The following KATNAL1 variants were observed in gnomAD, a reference collection of about 807,000 sequenced individuals.
KATNAL1 encodes the protein katanin p60 ATPase-containing subunit A-like 1.
KATNAL1 carries 32 observed loss-of-function variants against 55.2 expected under a neutral mutation model. That is an observed-to-expected ratio of 0.58 (90% CI 0.44 to 0.78). The LOEUF (loss-of-function observed/expected upper bound fraction) is 0.78. KATNAL1 is among the 30% of genes least tolerant of loss of function. KATNAL1 has a pLI of 0.00. For synonymous variants in KATNAL1, 193 were observed against 193.6 expected, an observed-to-expected ratio of 1.00 and a Z score of 0.02; for missense variants, 466 against 600.9, an observed-to-expected ratio of 0.78 and a Z score of 2.35.
intron 9 of KATNAL1, among the ~76,000 whole-genome samples, chr13:30,221,112 A>C (rs1874813957): frequency 2.0e-5 from 3 of 152,222 alleles, no homozygotes; most frequent in Admixed American, 2.0e-4. Context: ...GGAATCTGTG[A>C]GCTAAAAAAT....
At position 30,227,433 on chromosome 13, in the gene KATNAL1, T is replaced by C. The variant is rs1192373908; in HGVS notation, c.1126A>G (p.Ile376Val). The change falls in exon 9 of 11, where the codon ATA (isoleucine) becomes GTA (valine). Residue 376 changes from isoleucine to valine, a missense_variant. Transcript: ENST00000380615. ...EALRRRLEKR[I>V]YIPLPTAKGR... ...ATACCTGTTGGGAGAGGTATATATA[T>C]CCTTTTTTCTAACCTTCTTCGCAAA... The C allele has an allele frequency of 6.2e-7, 1 of 1,613,996 alleles. No individual in the cohort carries two copies. The highest frequency in any genetic ancestry group is 1.1e-5 in the South Asian group (1 of 91,070).
intron 4 of KATNAL1, among the ~76,000 whole-genome samples, chr13:30,247,947 G>A (rs554100876): frequency 1.3e-5 from 2 of 152,104 alleles, no homozygotes; most frequent in East Asian, 1.9e-4. Context: ...AAACATATAC[G>A]GCTATTAAGG....
chr13:30,294,284 C>G (rs1882333090), intron 1 of KATNAL1, among the ~76,000 whole-genome samples: 2 of 152,050 alleles, frequency 1.3e-5, no homozygotes, highest in African/African-American at 4.8e-5. Flanking sequence ...GTTGTAAATG[C>G]AAAGAAGAAG....
intron 4 of KATNAL1, among the ~76,000 whole-genome samples, chr13:30,248,788 G>C (rs1035916818): frequency 3.3e-5 from 5 of 151,816 alleles, no homozygotes; most frequent in African/African-American, 1.2e-4. Context: ...GGCCAGGTGC[G>C]GGGGCTCACG....
intron 10 of KATNAL1, 87 bp downstream of exon 10, chr13:30,210,227 TAC>T: frequency 9.2e-7 from 1 of 1,084,744 alleles, no homozygotes; most frequent in Non-Finnish European, 1.2e-6. Context: ...CATGTCTAAC[TAC>T]ACTGGGCTAA....
intron 4 of KATNAL1, among the ~76,000 whole-genome samples, chr13:30,250,799 A>C (rs1878224450): frequency 6.6e-6 from 1 of 152,222 alleles, no homozygotes; most frequent in Admixed American, 6.5e-5. Context: ...GAGATAATGG[A>C]AGTACTGCTC....
intron 1 of KATNAL1, among the ~76,000 whole-genome samples, chr13:30,285,784 A>G (rs1370960099): frequency 2.6e-5 from 4 of 152,246 alleles, no homozygotes; most frequent in Non-Finnish European, 5.9e-5. Context: ...GACTTGCTGA[A>G]TGGTTTTGAC....
intron 3 of KATNAL1, among the ~76,000 whole-genome samples, chr13:30,271,878 G>GAAAAAAAAAAAAAAAAA (rs71299873): frequency 1.3e-4 from 10 of 76,790 alleles, no homozygotes; most frequent in African/African-American, 1.5e-4. Context: ...AAGAAAAGAG[G>GAAAAAAAAAAAAAAAAA]AAAAAAAAAA....
At position 30,203,247 on chromosome 13, in the gene KATNAL1, A is replaced by T. The variant is rs1872840370; in HGVS notation, c.*5293T>A. On this transcript the variant is annotated 3_prime_UTR_variant, in exon 11 of 11. Transcript: ENST00000380615. ...AGAGAAAGAAAGATGGAATATTTTA[A>T]ACAATTTCAAGATTAAAAAGAAAAG... is the stretch of plus-strand genomic sequence containing the variant. 1 of 152,242 alleles carries T rather than the reference A, an allele frequency of 6.6e-6. No homozygotes were observed. The highest frequency in any genetic ancestry group is 1.5e-5 in the Non-Finnish European group (1 of 68,042). The allele number at this position is 152,242 out of a possible 1,614,324, so 9.4% of individuals were successfully genotyped here. A position where few individuals can be genotyped will look rare whatever the true frequency, so the allele number is the denominator to read the frequency against.
At chr13:30,303,217 T>A (rs1231601270) in intron 1 of KATNAL1, among the ~76,000 whole-genome samples, 2 of 152,170 alleles carry the variant, frequency 1.3e-5, no homozygotes, top group Non-Finnish European at 2.9e-5. Context: ...AAAAGAAACA[T>A]ATCTAAAGAC....
chr13:30,261,427 T>C (rs1036576801), intron 3 of KATNAL1, among the ~76,000 whole-genome samples: 3 of 152,146 alleles, frequency 2.0e-5, no homozygotes, highest in African/African-American at 4.8e-5. Context: ...GACTGGCAAA[T>C]TGGATAGAGT....
At chr13:30,248,876 A>T (rs1295360242) in intron 4 of KATNAL1, among the ~76,000 whole-genome samples, 2 of 152,092 alleles carry the variant, frequency 1.3e-5, no homozygotes, top group African/African-American at 4.8e-5. Flanking sequence ...TGGCTAACAC[A>T]GTGAAACCCC....
intron 5 of KATNAL1, 108 bp downstream of exon 5, chr13:30,240,851 A>G: frequency 1.0e-6 from 1 of 979,960 alleles, no homozygotes; most frequent in Non-Finnish European, 1.5e-6. Flanking sequence ...CATATTATAG[A>G]TGTGGTCATA....
intron 1 of KATNAL1, among the ~76,000 whole-genome samples, chr13:30,304,314 G>GA (rs1197302807): frequency 1.3e-5 from 2 of 150,152 alleles, no homozygotes; most frequent in African/African-American, 4.9e-5. Flanking sequence ...TCTGTCACCA[G>GA]GCTGGAGTGC....
chr13:30,267,617 T>C (rs9888460), intron 3 of KATNAL1, among the ~76,000 whole-genome samples: 12,263 of 152,178 alleles, frequency 0.081, 502 homozygotes, highest in Admixed American at 0.092. Context: ...GAACTGATAA[T>C]AGAACTACAA....
chr13:30,263,770 G>A lies in KATNAL1; in HGVS notation c.324-8155C>T, dbSNP rs1046804234. 3.7e-5 allele frequency among the ~76,000 whole-genome samples: 5 copies of A among 136,778 alleles called. No homozygotes were observed. The South Asian group carries it at 1.3e-3, about 36-fold the overall frequency. The allele number at this position is 136,778 out of a possible 152,430, so 89.7% of individuals were successfully genotyped here. A position where few individuals can be genotyped will look rare whatever the true frequency, so the allele number is the denominator to read the frequency against. ...AACATTCCATGCTCATGGGTAGGAA[G>A]AATCAATATCGTGAAAATGGCCATA... On this transcript the variant is annotated intron_variant, in intron 3 of 10. Transcript: ENST00000380615.
chr13:30,278,681 A>G (rs1881047382), intron 3 of KATNAL1, among the ~76,000 whole-genome samples: 1 of 152,256 alleles, frequency 6.6e-6, no homozygotes, highest in East Asian at 1.9e-4. Context: ...GGTTTAAACT[A>G]GAAGTATATT....
intron 9 of KATNAL1, among the ~76,000 whole-genome samples, chr13:30,219,635 T>C (rs972823060): frequency 6.6e-6 from 1 of 152,202 alleles, no homozygotes; most frequent in Admixed American, 6.5e-5. Context: ...TGTTGATGAA[T>C]TAATATAGAT....
chr13:30,229,206 C>G (rs1170584680), intron 8 of KATNAL1, among the ~76,000 whole-genome samples: 1 of 152,012 alleles, frequency 6.6e-6, no homozygotes. Context: ...TTTTCTCTGT[C>G]CTGATAACTC....
Sources: gnomAD v4.1 joint callset for allele counts (sites outside exome capture counted in the v4.1 genomes callset) on GRCh38, gnomAD v4.1.1 for gene constraint, MANE v1.5 for transcripts, NCBI Gene and HGNC (gene_info 2026-07-23, HGNC 2026-07-21) for gene names.